Variants in CMTM7 observed in about 807,000 individuals in gnomAD.
CMTM7 encodes the protein CKLF-like MARVEL transmembrane domain-containing protein 7.
In CMTM7, 7 loss-of-function variants were observed where a neutral mutation model predicts 19.3. The ratio of observed to expected loss-of-function variants is 0.36; its 90% confidence interval spans 0.21 to 0.68. CMTM7 has a LOEUF of 0.68. Among genes scored for constraint, CMTM7 ranks in the 30% least tolerant of loss-of-function variants. The probability of loss-of-function intolerance (pLI) is 0.60; values close to 1 mark genes in which losing one functional copy is unlikely to be tolerated. For missense variants in CMTM7, 193 were observed against 232.6 expected (o/e 0.83, Z 1.11); for synonymous variants, 87 against 99.3 (o/e 0.88, Z 0.74).
At chr3:32,393,551 T>A (rs986268788) in intron 1 of CMTM7, among the ~76,000 whole-genome samples, 2 of 152,100 alleles carry the variant, frequency 1.3e-5, no homozygotes, top group African/African-American at 4.8e-5. Flanking sequence ...TGAAAAGTCT[T>A]CTTGTTGGTC....
chr3:32,395,211 C>A (rs1695897500), intron 1 of CMTM7, among the ~76,000 whole-genome samples: 1 of 152,060 alleles, frequency 6.6e-6, no homozygotes, highest in Admixed American at 6.6e-5. Flanking sequence ...TGCTATGTTG[C>A]CCAGACTGGT....
At chr3:32,411,257 A>G (rs905289923) in intron 1 of CMTM7, among the ~76,000 whole-genome samples, 2 of 152,236 alleles carry the variant, frequency 1.3e-5, no homozygotes, top group Admixed American at 6.5e-5. Flanking sequence ...TGGTAACACA[A>G]ATCTCTCTTA....
intron 1 of CMTM7, among the ~76,000 whole-genome samples, chr3:32,394,066 T>G (rs1695879891): frequency 6.6e-6 from 1 of 152,250 alleles, no homozygotes; most frequent in Admixed American, 6.5e-5. Flanking sequence ...CCCTGGAGGA[T>G]TCCCCATCAC....
intron 1 of CMTM7, among the ~76,000 whole-genome samples, chr3:32,401,349 T>C (rs1695999476): frequency 6.6e-6 from 1 of 152,036 alleles, no homozygotes; most frequent in Non-Finnish European, 1.5e-5. Flanking sequence ...CTGGCCCGAG[T>C]GAGGCGATAG....
chr3:32,402,599 G>A (rs347131), intron 1 of CMTM7, among the ~76,000 whole-genome samples: 43,942 of 152,090 alleles, frequency 0.29, 7,785 homozygotes, highest in South Asian at 0.41. Flanking sequence ...GTCTCACTTT[G>A]TCGCCCAGGC....
chr3:32,431,464 T>A (rs1696517498), intron 1 of CMTM7, among the ~76,000 whole-genome samples: 1 of 152,110 alleles, frequency 6.6e-6, no homozygotes, highest in South Asian at 2.1e-4. Context: ...GGGCTGAGCC[T>A]TGTGAGTTGG....
intron 4 of CMTM7, among the ~76,000 whole-genome samples, chr3:32,453,072 G>C (rs1031517799): frequency 1.3e-5 from 2 of 150,330 alleles, no homozygotes; most frequent in African/African-American, 2.4e-5. Flanking sequence ...CACCCAGCCA[G>C]CTTTTTCTTA....
intron 1 of CMTM7, among the ~76,000 whole-genome samples, chr3:32,435,604 T>C (rs780497038): frequency 8.5e-5 from 13 of 152,096 alleles, no homozygotes; most frequent in Non-Finnish European, 1.5e-4. Context: ...TTGTTGTAAG[T>C]GGGCAGTGGG....
At chr3:32,414,701 C>A (rs1388415114) in intron 1 of CMTM7, among the ~76,000 whole-genome samples, 2 of 152,174 alleles carry the variant, frequency 1.3e-5, no homozygotes, top group African/African-American at 4.8e-5. Context: ...TGATATGGAG[C>A]CTGCCAATTC....
chr3:32,431,516 A>G (rs1575120251), intron 1 of CMTM7, among the ~76,000 whole-genome samples: 3 of 152,244 alleles, frequency 2.0e-5, no homozygotes, highest in African/African-American at 7.2e-5. Flanking sequence ...AATCTGAGGC[A>G]GTGTTAAACT....
At chr3:32,437,609 T>G (rs1696616096) in intron 1 of CMTM7, among the ~76,000 whole-genome samples, 1 of 150,206 alleles carries the variant, frequency 6.7e-6, no homozygotes, top group Non-Finnish European at 1.5e-5. Context: ...AAGAAAAAAA[T>G]AGGCCGGGCG....
At chr3:32,397,427 T>G (rs528500000) in intron 1 of CMTM7, among the ~76,000 whole-genome samples, 21 of 152,190 alleles carry the variant, frequency 1.4e-4, no homozygotes, top group South Asian at 4.1e-4. Flanking sequence ...TGGGTCTTTA[T>G]TTAGTTAGTT....
chr3:32,442,699 G>C (rs1194768476), intron 2 of CMTM7, among the ~76,000 whole-genome samples: 2 of 152,050 alleles, frequency 1.3e-5, no homozygotes, highest in Non-Finnish European at 2.9e-5. Context: ...GAGACTAGTG[G>C]GGGCTGAGGA....
intron 1 of CMTM7, among the ~76,000 whole-genome samples, chr3:32,430,950 GTTCA>G (rs1696509342): frequency 6.6e-6 from 1 of 152,146 alleles, no homozygotes; most frequent in Admixed American, 6.5e-5. Flanking sequence ...AATTGCATTT[GTTCA>G]TTCATTCACT....
intron 1 of CMTM7, among the ~76,000 whole-genome samples, chr3:32,415,005 G>C (rs1447187633): frequency 3.3e-5 from 5 of 152,072 alleles, no homozygotes; most frequent in Non-Finnish European, 4.4e-5. Context: ...CCTCTCTTCT[G>C]TAGAGGCCAA....
intron 1 of CMTM7, among the ~76,000 whole-genome samples, chr3:32,412,797 C>T (rs1696198615): frequency 6.6e-6 from 1 of 152,088 alleles, no homozygotes; most frequent in South Asian, 2.1e-4. Flanking sequence ...GGCTGTTACC[C>T]TACTGACAAT....
At chr3:32,395,016 A>G (rs1032533884) in intron 1 of CMTM7, among the ~76,000 whole-genome samples, 9 of 146,258 alleles carry the variant, frequency 6.2e-5, no homozygotes, top group Non-Finnish European at 1.1e-4. Context: ...TTTTTTTTTG[A>G]GCGAGACAGA....
chr3:32,410,834 G>A (rs1696162727), intron 1 of CMTM7, among the ~76,000 whole-genome samples: 1 of 152,192 alleles, frequency 6.6e-6, no homozygotes, highest in Admixed American at 6.5e-5. Context: ...ACAAGCAGAG[G>A]GATGACAGAA....
At chr3:32,395,990 C>T (rs1428180096) in intron 1 of CMTM7, among the ~76,000 whole-genome samples, 2 of 151,992 alleles carry the variant, frequency 1.3e-5, no homozygotes, top group Non-Finnish European at 2.9e-5. Context: ...TGCGTGTAAC[C>T]ATATAGATAA....
Sources: allele counts gnomAD v4.1 joint callset (sites outside exome capture counted in the v4.1 genomes callset), GRCh38; gene constraint gnomAD v4.1.1; transcripts MANE v1.5; gene names NCBI Gene and HGNC (gene_info 2026-07-23, HGNC 2026-07-21).